The following CPNE8 variants were observed in gnomAD, a reference collection of about 807,000 sequenced individuals.
CPNE8 encodes the protein copine 8, also known as copine-8.
A neutral mutation model predicts 81.5 loss-of-function variants in CPNE8; 45 were observed. That is an observed-to-expected ratio of 0.55 (90% CI 0.44 to 0.71). CPNE8 has a LOEUF of 0.71. Among genes scored for constraint, CPNE8 ranks in the 30% least tolerant of loss-of-function variants. CPNE8 has a pLI of 0.00. For missense variants in CPNE8, 594 were observed against 672.1 expected (o/e 0.88, Z 1.28); for synonymous variants, 252 against 226.3 (o/e 1.11, Z -1.02).
chr12:38,821,408 C>T (rs965668167), intron 6 of CPNE8, among the ~76,000 whole-genome samples: 4 of 152,218 alleles, frequency 2.6e-5, no homozygotes, highest in Non-Finnish European at 2.9e-5. Flanking sequence ...TTCTATCTAC[C>T]AGAATCTGTC....
At chr12:38,841,518 G>A (rs1248756182) in intron 4 of CPNE8, among the ~76,000 whole-genome samples, 1 of 152,120 alleles carries the variant, frequency 6.6e-6, no homozygotes, top group East Asian at 1.9e-4. Flanking sequence ...TGGCCTGAAT[G>A]TTAGCTGCCA....
intron 19 of CPNE8, among the ~76,000 whole-genome samples, chr12:38,657,632 A>G (rs2136630848): frequency 6.6e-6 from 1 of 152,248 alleles, no homozygotes; most frequent in East Asian, 1.9e-4. Context: ...GTAGGGGCCG[A>G]TAGACACCTC....
At chr12:38,856,692 A>G (rs183541299) in intron 3 of CPNE8, among the ~76,000 whole-genome samples, 9 of 152,206 alleles carry the variant, frequency 5.9e-5, no homozygotes, top group Admixed American at 5.9e-4. Context: ...TAATGCCCAT[A>G]AAATAAAAAT....
chr12:38,689,851 A>C (rs907381403), intron 15 of CPNE8, among the ~76,000 whole-genome samples: 3 of 152,192 alleles, frequency 2.0e-5, no homozygotes, highest in Admixed American at 6.5e-5. Flanking sequence ...TATAAATCCA[A>C]AAGGAGTCAT....
At chr12:38,857,242 C>A (rs1049691169) in intron 3 of CPNE8, among the ~76,000 whole-genome samples, 1 of 152,092 alleles carries the variant, frequency 6.6e-6, no homozygotes. Flanking sequence ...ACAAGAGACA[C>A]ACCTAATTAA....
intron 10 of CPNE8, among the ~76,000 whole-genome samples, chr12:38,741,215 C>T (rs1176305327): frequency 6.6e-6 from 1 of 152,180 alleles, no homozygotes; most frequent in South Asian, 2.1e-4. Flanking sequence ...AAAGAGCCCG[C>T]ATTCCCAAGT....
At chr12:38,674,634 A>T (rs1465376711) in intron 18 of CPNE8, among the ~76,000 whole-genome samples, 2 of 152,184 alleles carry the variant, frequency 1.3e-5, no homozygotes, top group African/African-American at 4.8e-5. Context: ...AGTGTTGGTG[A>T]GGGATAAATG....
intron 15 of CPNE8, among the ~76,000 whole-genome samples, chr12:38,692,612 G>T (rs1168207259): frequency 1.3e-5 from 2 of 152,182 alleles, no homozygotes; most frequent in Non-Finnish European, 2.9e-5. Flanking sequence ...AATGAACACA[G>T]AGGCAGGAAA....
At chr12:38,758,304 A>T (rs1481149514) in intron 10 of CPNE8, among the ~76,000 whole-genome samples, 1 of 151,898 alleles carries the variant, frequency 6.6e-6, no homozygotes, top group Non-Finnish European at 1.5e-5. Flanking sequence ...ACTTCTAGTT[A>T]CATAAAAACT....
chr12:38,845,099 T>A (rs543814069), intron 4 of CPNE8, among the ~76,000 whole-genome samples: 1 of 152,150 alleles, frequency 6.6e-6, no homozygotes, highest in Non-Finnish European at 1.5e-5. Context: ...CTCCAAGAAC[T>A]GTCTCACAAG....
intron 5 of CPNE8, among the ~76,000 whole-genome samples, chr12:38,835,733 A>G (rs1943368804): frequency 6.6e-6 from 1 of 152,202 alleles, no homozygotes; most frequent in Admixed American, 6.5e-5. Flanking sequence ...CAATATTCAA[A>G]TAAAATTTTT....
At chr12:38,847,596 G>A (rs767414473) in intron 4 of CPNE8, among the ~76,000 whole-genome samples, 27 of 151,934 alleles carry the variant, frequency 1.8e-4, no homozygotes, top group African/African-American at 6.0e-4. Context: ...TAAATATGAC[G>A]AATACTCAAC....
intron 5 of CPNE8, among the ~76,000 whole-genome samples, chr12:38,832,756 C>T (rs1943309899): frequency 1.3e-5 from 2 of 152,088 alleles, no homozygotes; most frequent in Non-Finnish European, 2.9e-5. Flanking sequence ...GTCTCGAACT[C>T]CTGAGCTCAG....
At chr12:38,723,903 A>G in intron 12 of CPNE8, 70 bp from the exon 13 acceptor site, 2 of 853,652 alleles carry the variant, frequency 2.3e-6, no homozygotes, top group East Asian at 2.4e-5. Context: ...TAATTATTAG[A>G]GAGAAAATCA....
intron 6 of CPNE8, among the ~76,000 whole-genome samples, chr12:38,826,718 A>G (rs553658579): frequency 6.6e-6 from 1 of 152,136 alleles, no homozygotes; most frequent in African/African-American, 2.4e-5. Flanking sequence ...AATAATATCA[A>G]ATTTTTAATA....
chr12:38,808,922 C>T (rs1346207392), intron 6 of CPNE8, among the ~76,000 whole-genome samples: 2 of 151,838 alleles, frequency 1.3e-5, no homozygotes, highest in East Asian at 1.9e-4. Context: ...CGCTAGTAAA[C>T]AGGTAAATGC....
At chr12:38,881,926 A>G (rs543760686) in intron 1 of CPNE8, among the ~76,000 whole-genome samples, 112 of 152,346 alleles carry the variant, frequency 7.4e-4, no homozygotes, top group African/African-American at 2.5e-3. Flanking sequence ...AGAGACTGAG[A>G]GCAGGATATG....
At chr12:38,783,115 T>C (rs1012023741) in intron 6 of CPNE8, among the ~76,000 whole-genome samples, 1 of 152,190 alleles carries the variant, frequency 6.6e-6, no homozygotes, top group African/African-American at 2.4e-5. Flanking sequence ...CTCATCCACA[T>C]TACAGTTAAA....
intron 6 of CPNE8, among the ~76,000 whole-genome samples, chr12:38,807,284 G>A (rs1408056934): frequency 9.5e-5 from 14 of 147,298 alleles, no homozygotes; most frequent in African/African-American, 2.5e-4. Flanking sequence ...AAAAGAGCCC[G>A]CATCGCCAAG....
Sources: gnomAD v4.1 joint callset for allele counts (sites outside exome capture counted in the v4.1 genomes callset) on GRCh38, gnomAD v4.1.1 for gene constraint, MANE v1.5 for transcripts, NCBI Gene and HGNC (gene_info 2026-07-23, HGNC 2026-07-21) for gene names.